Variants in NEXMIF observed in about 807,000 individuals in gnomAD.
NEXMIF encodes neurite extension and migration factor.
In NEXMIF, 8 loss-of-function variants were observed where a neutral mutation model predicts 62.1. The ratio of observed to expected loss-of-function variants is 0.13; its 90% CI spans 0.08 to 0.23. NEXMIF has a LOEUF of 0.23. Ranked by LOEUF, NEXMIF falls within the 10% of genes least tolerant of loss-of-function variation. The pLI is 1.00. For synonymous variants in NEXMIF, 404 were observed against 416.6 expected, an observed-to-expected ratio of 0.97 and a Z score of 0.37; for missense variants, 976 against 1,113.3, an observed-to-expected ratio of 0.88 and a Z score of 1.75.
At chrX:74,820,290 C>G (rs1187045289) in intron 1 of NEXMIF, among the ~76,000 whole-genome samples, 1 of 109,799 alleles carries the variant, frequency 9.1e-6, no homozygotes, top group Non-Finnish European at 1.9e-5. Flanking sequence ...ACCTATGTAT[C>G]AAACCTGCAC....
chrX:74,789,765 A>C (rs1294082731), intron 1 of NEXMIF, among the ~76,000 whole-genome samples: 1 of 108,827 alleles, frequency 9.2e-6, no homozygotes, highest in Non-Finnish European at 1.9e-5. Context: ...TGGCTGCATA[A>C]ATGTCTTCTT....
chrX:74,743,523 C>T lies in NEXMIF; in HGVS notation c.1034G>A (p.Cys345Tyr). ...FNFFPSVFTT[C>Y]PKRESKSGAL... Reference sequence around the variant, plus strand: ...CCCACTCTTAGACTCTCGCTTGGGGCAGGTAGTAAAGACGCTGGGAAAAAA... The same window carrying T: ...CCCACTCTTAGACTCTCGCTTGGGGTAGGTAGTAAAGACGCTGGGAAAAAA... Residue 345 changes from cysteine to tyrosine, a missense_variant, in exon 3 of 4, where the codon TGC (cysteine) becomes TAC (tyrosine). Around this residue, in one of 5 missense-constraint regions of NEXMIF, gnomAD observed 639 missense variants for 694.5 expected, o/e 0.92. Coordinates refer to ENST00000055682, the MANE Select transcript of NEXMIF (RefSeq NM_001008537.3). 8.3e-7 allele frequency: 1 copy of T among 1,211,394 alleles called. No homozygotes were observed. The highest frequency in any genetic ancestry group is 1.1e-6 in the Non-Finnish European group (1 of 895,437).
chrX:74,804,196 T>C (rs1324313680), intron 1 of NEXMIF, among the ~76,000 whole-genome samples: 1 of 112,593 alleles, frequency 8.9e-6, no homozygotes, highest in African/African-American at 3.2e-5. Flanking sequence ...TGGTTTTCTT[T>C]TTGCTCATTT....
At chrX:74,791,628 G>A (rs2080283443) in intron 1 of NEXMIF, among the ~76,000 whole-genome samples, 1 of 110,967 alleles carries the variant, frequency 9.0e-6, no homozygotes, top group African/African-American at 3.3e-5. Context: ...TGGTTGGTAA[G>A]CTATTGATTA....
At chrX:74,838,748 G>A (rs2147488182) in intron 1 of NEXMIF, among the ~76,000 whole-genome samples, 1 of 111,564 alleles carries the variant, frequency 9.0e-6, no homozygotes, top group East Asian at 2.8e-4. Flanking sequence ...CCATCAAACT[G>A]CACCCTACCA....
At chrX:74,921,720 A>G (rs1602278922) in intron 1 of NEXMIF, among the ~76,000 whole-genome samples, 1 of 100,414 alleles carries the variant, frequency 1.0e-5, no homozygotes, top group African/African-American at 3.7e-5. Flanking sequence ...GAGGAAGTAA[A>G]AGAAAAAAAA....
intron 1 of NEXMIF, among the ~76,000 whole-genome samples, chrX:74,758,419 A>C (rs2080165680): frequency 1.8e-5 from 2 of 111,253 alleles, no homozygotes; most frequent in Non-Finnish European, 1.9e-5. Context: ...TTAAAAAAAA[A>C]CTTTTATTTT....
chrX:74,808,494 T>A (rs1354259705), intron 1 of NEXMIF, among the ~76,000 whole-genome samples: 4 of 112,303 alleles, frequency 3.6e-5, no homozygotes, highest in Non-Finnish European at 7.5e-5. Context: ...GATTTCTACA[T>A]CTGTATTAAT....
At chrX:74,772,436 G>A (rs775785821) in intron 1 of NEXMIF, among the ~76,000 whole-genome samples, 2 of 112,385 alleles carry the variant, frequency 1.8e-5, no homozygotes, top group South Asian at 7.4e-4. Context: ...AGCCTGAAGT[G>A]GAATCCAGAA....
intron 1 of NEXMIF, among the ~76,000 whole-genome samples, chrX:74,872,907 T>G (rs2080608615): frequency 9.0e-6 from 1 of 110,585 alleles, no homozygotes; most frequent in Non-Finnish European, 1.9e-5. Flanking sequence ...GCCATAATGC[T>G]GTAGTGCAAT....
intron 1 of NEXMIF, among the ~76,000 whole-genome samples, chrX:74,818,833 C>T (rs1041793150): frequency 9.0e-6 from 1 of 111,630 alleles, no homozygotes; most frequent in Admixed American, 9.5e-5. Context: ...ATGCATGTGG[C>T]CAACAAGCAT....
intron 1 of NEXMIF, among the ~76,000 whole-genome samples, chrX:74,776,930 T>C (rs1215762774): frequency 7.2e-5 from 8 of 110,908 alleles, no homozygotes; most frequent in Non-Finnish European, 1.5e-4. Context: ...GCTGCTATTT[T>C]AGCAGCTGCT....
Position 74,924,251 on chromosome X carries a change from G to T in NEXMIF, c.-48+632C>A, listed in dbSNP as rs1286453204. Among the ~76,000 whole-genome samples, 11 of 103,062 alleles carry T rather than the reference G, an allele frequency of 1.1e-4. No individual in the cohort carries two copies. In the Admixed American group the frequency reaches 1.1e-3, roughly 10 times the overall value. The allele number at this position is 103,062 out of a possible 115,157, so 89.5% of individuals were successfully genotyped here. ...GAAGCGCCAGAAGCCACACAGAAAA[G>T]CGTCAATTCGACCGCCACCGAGAGC... On this transcript the variant is annotated intron_variant, in intron 1 of 3. Transcript: ENST00000055682.
Position 74,808,798 on chromosome X carries a change from T to C in NEXMIF, c.-47-63101A>G, listed in dbSNP as rs777691733. On this transcript the variant is annotated intron_variant, in intron 1 of 3. Transcript: ENST00000055682. ...TAACATTCCAAAGCTATCTCACCTCTAAATAAAGATGATCCCTTCAACTTA... is the reference window on the plus strand; with the variant it reads ...TAACATTCCAAAGCTATCTCACCTCCAAATAAAGATGATCCCTTCAACTTA... 8.9e-5 allele frequency among the ~76,000 whole-genome samples: 10 copies of C among 112,122 alleles called. No individual in the cohort carries two copies. The South Asian group carries it at 3.7e-3, about 42-fold the overall frequency.
At chrX:74,842,280 T>A (rs1247127910) in intron 1 of NEXMIF, among the ~76,000 whole-genome samples, 1 of 111,784 alleles carries the variant, frequency 8.9e-6, no homozygotes, top group Non-Finnish European at 1.9e-5. Flanking sequence ...GTGTTCATAG[T>A]AGTTTCTGAT....
Position 74,733,353 on chromosome X carries a change from G to A in NEXMIF, c.*6052C>T, listed in dbSNP as rs996337246. ...TACATGTTAAATCTAATACATTTGG[G>A]CTTTTATTTTGCATATCTTTTTTCC... On this transcript the variant is annotated 3_prime_UTR_variant, in exon 4 of 4. Coordinates refer to ENST00000055682, the MANE Select transcript of NEXMIF (RefSeq NM_001008537.3). 1 of 111,461 alleles carries A rather than the reference G, an allele frequency of 9.0e-6. No individual in the cohort carries two copies. Among genetic ancestry groups the A allele is most frequent in the African/African-American group, 3.3e-5 (1 of 30,606 alleles). 9.2% of individuals were successfully genotyped at this position (111,461 alleles called of 1,213,427 possible).
chrX:74,821,510 G>T (rs1001468122), intron 1 of NEXMIF, among the ~76,000 whole-genome samples: 2 of 111,528 alleles, frequency 1.8e-5, no homozygotes, highest in South Asian at 7.5e-4. Context: ...AGCACTATCA[G>T]GTTTTCCATT....
At chrX:74,785,442 G>GT (rs769317255) in intron 1 of NEXMIF, among the ~76,000 whole-genome samples, 30 of 110,148 alleles carry the variant, frequency 2.7e-4, no homozygotes, top group Non-Finnish European at 5.1e-4. Flanking sequence ...GACATTAACT[G>GT]TTTATGTCTA....
At chrX:74,817,237 GCTAC>G (rs2080378905) in intron 1 of NEXMIF, among the ~76,000 whole-genome samples, 1 of 111,514 alleles carries the variant, frequency 9.0e-6, no homozygotes, top group African/African-American at 3.3e-5. Flanking sequence ...TTGGTCTTTA[GCTAC>G]TTCAAAGAGC....
Sources: allele counts gnomAD v4.1 joint callset (sites outside exome capture counted in the v4.1 genomes callset), GRCh38; gene constraint gnomAD v4.1.1; regional missense constraint gnomAD v4.1.1; transcripts MANE v1.5; gene names NCBI Gene and HGNC (gene_info 2026-07-23, HGNC 2026-07-21).